The following KIAA2012 variants were observed in gnomAD, a reference collection of about 807,000 sequenced individuals.
KIAA2012 encodes the protein KIAA2012.
KIAA2012 carries 125 observed loss-of-function variants against 150.6 expected under a neutral mutation model. That is an observed-to-expected ratio of 0.83 (90% confidence interval 0.72 to 0.96). KIAA2012 has a LOEUF of 0.96. Ranked by LOEUF, KIAA2012 falls within the 40% of genes least tolerant of loss-of-function variation. The probability of loss-of-function intolerance (pLI) is 0.00; values close to 1 mark genes in which losing one functional copy is unlikely to be tolerated. For missense variants in KIAA2012, 1,219 were observed against 1,354.9 expected (o/e 0.90, Z 1.57); for synonymous variants, 462 against 504.7 (o/e 0.92, Z 1.13).
chr2:202,114,429 G>A lies in KIAA2012; in HGVS notation c.1762+983G>A, dbSNP rs528047347. On this transcript the variant is annotated intron_variant, in intron 11 of 23. Transcript: ENST00000498697. ...AGGATATGAGTATAAAAATATCTTG[G>A]TTCTGAATTGGTGGAAGCAGGAGTT... 4 of 167,250 alleles carry A rather than the reference G, an allele frequency of 2.4e-5. No homozygotes were observed. The Admixed American group carries it at 2.6e-4, about 11-fold the overall frequency. The allele number at this position is 167,250 out of a possible 1,614,324, so 10.4% of individuals were successfully genotyped here. A position where few individuals can be genotyped will look rare whatever the true frequency, so the allele number is the denominator to read the frequency against.
intron 18 of KIAA2012, among the ~76,000 whole-genome samples, chr2:202,189,399 C>T (rs1270794645): frequency 6.6e-6 from 1 of 151,458 alleles, no homozygotes; most frequent in Non-Finnish European, 1.5e-5. Context: ...TCAAGCAATT[C>T]TTCTGCCTCA....
chr2:202,202,526 GTTT>G lies in KIAA2012; in HGVS notation c.3506_3508del (p.Val1169_Tyr1170delinsAsp), dbSNP rs1039356743. On this transcript the variant is annotated inframe_deletion, in exon 23 of 24. Transcript: ENST00000498697. ...GACACAGAACATTTCCAGACCATGG[GTTT>G]ACTCTTATTTCCAGTTCCTACAAAT... 1.3e-4 allele frequency: 52 copies of G among 398,902 alleles called. No homozygotes were observed. The highest frequency in any genetic ancestry group is 9.7e-4 in the African/African-American group (47 of 48,612). 24.7% of individuals were successfully genotyped at this position (398,902 alleles called of 1,614,324 possible).
intron 18 of KIAA2012, among the ~76,000 whole-genome samples, chr2:202,188,887 C>T (rs1453626169): frequency 3.9e-5 from 6 of 152,196 alleles, no homozygotes; most frequent in Non-Finnish European, 8.8e-5. Flanking sequence ...ACTCGGATTC[C>T]TTTGCTTCTG....
rs186291028 is a variant in KIAA2012, at chr2:202,126,304, C to T, written c.1831+1022C>T. 4.8e-3 allele frequency among the ~76,000 whole-genome samples: 731 copies of T among 152,246 alleles called. 2 individuals carry two copies. The highest frequency in any genetic ancestry group is 8.2e-3 in the Non-Finnish European group (557 of 68,006). On this transcript the variant is annotated intron_variant, in intron 12 of 23. Coordinates refer to ENST00000498697, the MANE Select transcript of KIAA2012 (RefSeq NM_001277372.4). The stretch of plus-strand genomic sequence containing the variant: ...CAGCAATGAATCCTGCATGAAGAAG[C>T]TGCTGTAGGAACAGGCGGGAGGCAG...
chr2:202,183,803 T>A (rs1288519234), intron 15 of KIAA2012, among the ~76,000 whole-genome samples: 1 of 152,176 alleles, frequency 6.6e-6, no homozygotes, highest in Non-Finnish European at 1.5e-5. Flanking sequence ...TAACATTTGT[T>A]TTTTAAAATC....
chr2:202,173,864 A>G (rs1320264591), intron 15 of KIAA2012, among the ~76,000 whole-genome samples: 2 of 152,212 alleles, frequency 1.3e-5, no homozygotes, highest in African/African-American at 2.4e-5. Flanking sequence ...TTATCAGACT[A>G]AGAATAGAAG....
chr2:202,077,192 T>C (rs1013483513), intron 2 of KIAA2012: 1 of 376,926 alleles, frequency 2.7e-6, no homozygotes, highest in African/African-American at 2.1e-5. Flanking sequence ...CCCCAGCTGT[T>C]TGGCTTCTGA....
chr2:202,113,448 T>C lies in KIAA2012; in HGVS notation c.1762+2T>C. 1 of 1,541,886 alleles carries C rather than the reference T, an allele frequency of 6.5e-7. No homozygotes were observed. The highest frequency in any genetic ancestry group is 8.8e-7 in the Non-Finnish European group (1 of 1,141,496). On this transcript the variant is annotated splice_donor_variant, in intron 11 of 23. Coordinates refer to ENST00000498697, the MANE Select transcript of KIAA2012 (RefSeq NM_001277372.4). LOFTEE classifies it high-confidence loss of function. Reference sequence around the variant, plus strand: ...CCGAGGCGCTTCCATCGGGTAAAGGTAAGCTAACACATTCCAGGGCAGCCT... The same window carrying C: ...CCGAGGCGCTTCCATCGGGTAAAGGCAAGCTAACACATTCCAGGGCAGCCT...
At chr2:202,085,338 C>T (rs1689537139) in intron 2 of KIAA2012, among the ~76,000 whole-genome samples, 1 of 152,136 alleles carries the variant, frequency 6.6e-6, no homozygotes, top group Non-Finnish European at 1.5e-5. Flanking sequence ...AATAGATGGC[C>T]TCGAAATGGG....
chr2:202,199,880 A>G (rs1478682695), intron 22 of KIAA2012, among the ~76,000 whole-genome samples: 1 of 149,960 alleles, frequency 6.7e-6, no homozygotes, highest in East Asian at 2.0e-4. Flanking sequence ...TAAACCATCA[A>G]TCAGGCTTTT....
intron 22 of KIAA2012, 159 bp downstream of exon 22, chr2:202,197,178 A>G: frequency 2.7e-6 from 3 of 1,122,080 alleles, no homozygotes; most frequent in Non-Finnish European, 2.5e-6. Flanking sequence ...CTTTTGCTGC[A>G]AATGTCAAGG....
chr2:202,138,512 T>C lies in KIAA2012; in HGVS notation c.1908+4T>C, dbSNP rs142589888. 3.0e-5 allele frequency: 46 copies of C among 1,546,440 alleles called. No homozygotes were observed. The South Asian group carries it at 3.7e-4, about 12-fold the overall frequency. ...GACCCAAACAACAGAGAAGCAGGTA[T>C]AGTATTGACTCTGAATGAGGATGAC... On this transcript the variant is annotated splice_donor_region_variant and intron_variant, in intron 13 of 23. Transcript: ENST00000498697.
chr2:202,079,608 T>C (rs563253295), intron 2 of KIAA2012, among the ~76,000 whole-genome samples: 128 of 152,360 alleles, frequency 8.4e-4, no homozygotes, highest in African/African-American at 2.9e-3. Context: ...TTGAACTTTC[T>C]TGATGGCCCA....
Position 202,102,979 on chromosome 2 carries a change from GA to G in KIAA2012, c.1191del (p.Glu398AsnfsTer9), listed in dbSNP as rs1226304209. On this transcript the variant is annotated frameshift_variant, in exon 8 of 24. Transcript: ENST00000498697. LOFTEE classifies it high-confidence loss of function. ...PKALKLPPIS[E>X]EPPRVLEPLK... ...GGCTTTGAAATTACCTCCTATCTCA[GA>G]AGAACCACCCAGAGTCTTGGAGCCC... 6.5e-7 allele frequency: 1 copy of G among 1,550,364 alleles called. No individual in the cohort carries two copies. The highest frequency in any genetic ancestry group is 8.7e-7 in the Non-Finnish European group (1 of 1,146,960).
chr2:202,098,894 T>C lies in KIAA2012; in HGVS notation c.829-719T>C, dbSNP rs141996139. ...ACATCTGCTCCCATCCTGAATAAAC[T>C]CATTTGACTAACAAGAAGGTCATCT... On this transcript the variant is annotated intron_variant, in intron 5 of 23. Transcript: ENST00000498697. Among the ~76,000 whole-genome samples, 213 of 147,340 alleles carry C rather than the reference T, an allele frequency of 1.4e-3. 1 individual carries two copies. Among genetic ancestry groups the C allele is most frequent in the African/African-American group, 5.3e-3 (208 of 39,618 alleles).
chr2:202,171,877 T>G (rs1574305091), intron 15 of KIAA2012, among the ~76,000 whole-genome samples: 1 of 119,812 alleles, frequency 8.3e-6, no homozygotes, highest in Admixed American at 1.1e-4. Flanking sequence ...GGAGACAGAG[T>G]CTTACTCTGT....
intron 2 of KIAA2012, among the ~76,000 whole-genome samples, chr2:202,086,060 T>A (rs543312084): frequency 6.1e-5 from 9 of 147,098 alleles, no homozygotes; most frequent in African/African-American, 2.3e-4. Flanking sequence ...CCCAGCTACT[T>A]GGGAGGCTGA....
chr2:202,154,559 T>C (rs1691485874), intron 13 of KIAA2012, 114 bp from the exon 14 acceptor site: 1 of 947,540 alleles, frequency 1.1e-6, no homozygotes, highest in African/African-American at 1.7e-5. Context: ...CTGCGTATTA[T>C]TGTTTCAATG....
chr2:202,109,548 G>C, intron 9 of KIAA2012, 65 bp from the exon 10 acceptor site: 2 of 1,401,664 alleles, frequency 1.4e-6, no homozygotes, highest in East Asian at 5.0e-5. Context: ...TTAGAAGAGA[G>C]CTTCCTTCTC....
Sources: gnomAD v4.1 joint callset for allele counts (sites outside exome capture counted in the v4.1 genomes callset) on GRCh38, gnomAD v4.1.1 for gene constraint, MANE v1.5 for transcripts, NCBI Gene and HGNC (gene_info 2026-07-23, HGNC 2026-07-21) for gene names.